Variants in INTS6 observed in about 807,000 individuals in gnomAD.
INTS6 encodes the protein integrator complex subunit 6.
Under a neutral mutation model 104.9 loss-of-function variants are expected in INTS6, and 16 were observed. The ratio of observed to expected loss-of-function variants is 0.15; its 90% CI spans 0.10 to 0.23. INTS6 has a LOEUF of 0.23. INTS6 is among the 10% of genes least tolerant of loss of function. The pLI, the probability that INTS6 is intolerant of heterozygous loss-of-function variation, is 1.00. For missense variants in INTS6, 584 were observed against 1,062.8 expected (o/e 0.55, Z 6.26); for synonymous variants, 324 against 358.7 (o/e 0.90, Z 1.09).
intron 16 of INTS6, among the ~76,000 whole-genome samples, chr13:51,368,200 C>A (rs1301698100): frequency 6.6e-6 from 1 of 151,972 alleles, no homozygotes; most frequent in Middle Eastern, 3.2e-3. Flanking sequence ...AAAATAAGAA[C>A]AAGTGGCCTT....
At chr13:51,442,683 T>C (rs1952820571) in intron 3 of INTS6, 2 of 152,478 alleles carry the variant, frequency 1.3e-5, no homozygotes, top group South Asian at 2.1e-4. Flanking sequence ...TAGATTCTCA[T>C]AGGAGCACAA....
At chr13:51,344,124 G>C in the INTS6 span, 1 of 692,104 alleles carries the variant, frequency 1.4e-6, no homozygotes, top group Non-Finnish European at 2.5e-6. Flanking sequence ...GGCTTTGTAT[G>C]GTAGATGAAC....
At chr13:51,342,178 CAAA>C in the INTS6 span, among the ~76,000 whole-genome samples, 2 of 63,582 alleles carry the variant, frequency 3.1e-5, no homozygotes, top group South Asian at 6.3e-4. Context: ...AAAGACAGAA[CAAA>C]AAAAAAAAAA....
At chr13:51,381,694 G>GT (rs1415669953) in intron 10 of INTS6, among the ~76,000 whole-genome samples, 28 of 104,082 alleles carry the variant, frequency 2.7e-4, no homozygotes, top group East Asian at 1.4e-3. Flanking sequence ...TAATTAACAA[G>GT]TTTTTTGTTT....
chr13:51,425,831 A>G (rs1254294069), intron 4 of INTS6, among the ~76,000 whole-genome samples: 1 of 152,104 alleles, frequency 6.6e-6, no homozygotes, highest in Admixed American at 6.6e-5. Flanking sequence ...ATCTGGACAC[A>G]GGTATGTTTA....
intron 7 of INTS6, chr13:51,384,770 C>T: frequency 2.2e-6 from 1 of 447,210 alleles, no homozygotes; most frequent in South Asian, 1.6e-5. Flanking sequence ...GGTAGGTAGT[C>T]ATTACTAGTT....
Position 51,452,222 on chromosome 13 carries a change from CG to C in INTS6, c.112-168del. On this transcript the variant is annotated intron_variant, in intron 1 of 17. Transcript: ENST00000311234. The surrounding 1 kb of genome is among the most constrained non-coding windows in gnomAD (Gnocchi z 4.2). ...CACAGATCGCTCCCCACACACCGCCCGGGGCCGGAGCCCGGGCCCCGGCCGA... is the reference window on the plus strand; with the variant it reads ...CACAGATCGCTCCCCACACACCGCCCGGGCCGGAGCCCGGGCCCCGGCCGA... 2 of 651,954 alleles carry C rather than the reference CG, an allele frequency of 3.1e-6. No individual in the cohort carries two copies. Among genetic ancestry groups the C allele is most frequent in the Non-Finnish European group, 4.3e-6 (2 of 464,556 alleles). 40.4% of individuals were successfully genotyped at this position (651,954 alleles called of 1,614,324 possible).
intron 7 of INTS6, 84 bp from the exon 8 acceptor site, chr13:51,383,825 G>A: frequency 8.4e-7 from 1 of 1,187,692 alleles, no homozygotes; most frequent in Non-Finnish European, 1.2e-6. Context: ...AATTTACTCA[G>A]TTCCTCCGTC....
At chr13:51,361,549 A>C (rs535038842), downstream of INTS6, 17 of 591,484 alleles carry the variant, frequency 2.9e-5, no homozygotes, top group East Asian at 4.5e-4. Context: ...AAGAAGAGAT[A>C]TCCATCCCAT....
At chr13:51,436,416 C>T (rs1165474396) in intron 3 of INTS6, 3 of 152,102 alleles carry the variant, frequency 2.0e-5, no homozygotes, top group South Asian at 4.1e-4. Context: ...CTCCGTTACA[C>T]GACTGTGTTC....
At chr13:51,347,096 CTTGTGA>C in the INTS6 span, 1 of 1,609,648 alleles carries the variant, frequency 6.2e-7, no homozygotes, top group East Asian at 2.2e-5. Flanking sequence ...TCAGCTTGTG[CTTGTGA>C]GCACCATGTC....
intron 4 of INTS6, among the ~76,000 whole-genome samples, chr13:51,429,785 A>AAAAAAAAATATATAT (rs1156333077): frequency 6.5e-5 from 6 of 92,378 alleles, no homozygotes; most frequent in African/African-American, 2.8e-4. Context: ...AAAAAAAAAA[A>AAAAAAAAATATATAT]ATATATATAT....
intron 4 of INTS6, among the ~76,000 whole-genome samples, chr13:51,429,034 A>G (rs551984953): frequency 2.6e-5 from 4 of 152,190 alleles, no homozygotes; most frequent in Non-Finnish European, 5.9e-5. Context: ...CAATAACCCT[A>G]TGAAGTAAGG....
chr13:51,405,671 T>C (rs972847753), intron 4 of INTS6, among the ~76,000 whole-genome samples: 1 of 152,150 alleles, frequency 6.6e-6, no homozygotes. Flanking sequence ...TCCACTTCCA[T>C]GGAAGCTGGC....
chr13:51,344,339 T>C, the INTS6 span: 1 of 1,613,526 alleles, frequency 6.2e-7, no homozygotes, highest in East Asian at 2.2e-5. Context: ...GCCTGCAGCC[T>C]TTTTGTGCAA....
the INTS6 span, among the ~76,000 whole-genome samples, chr13:51,334,837 G>T: frequency 6.6e-6 from 1 of 151,936 alleles, no homozygotes; most frequent in Admixed American, 6.6e-5. Context: ...CAAAAAATTA[G>T]CTGGGCATGG....
At chr13:51,439,049 G>C (rs1203340478) in intron 3 of INTS6, 1 of 152,150 alleles carries the variant, frequency 6.6e-6, no homozygotes, top group Admixed American at 6.5e-5. Context: ...TACCTAACAA[G>C]GTTCACTCGC....
At chr13:51,403,581 CA>C (rs1290796257) in intron 4 of INTS6, among the ~76,000 whole-genome samples, 20 of 20,286 alleles carry the variant, frequency 9.9e-4, no homozygotes, top group South Asian at 3.0e-3. Flanking sequence ...GACTCCATTT[CA>C]AAAAAAAAAA....
In INTS6 at chr13:51,446,828, T is replaced by G. The variant is rs963563083; in HGVS notation, c.339+4197A>C. Reference sequence around the variant, plus strand: ...AAAGGCAAATACTGTATGATTTCACTTAACTGTGATATCCAGAGTAGACAA... The same window carrying G: ...AAAGGCAAATACTGTATGATTTCACGTAACTGTGATATCCAGAGTAGACAA... On this transcript the variant is annotated intron_variant, in intron 3 of 17. Transcript: ENST00000311234. 8 of 152,316 alleles carry G rather than the reference T, an allele frequency of 5.3e-5. No homozygotes were observed. The East Asian group carries it at 1.5e-3, about 29-fold the overall frequency. The allele number at this position is 152,316 out of a possible 1,614,324, so 9.4% of individuals were successfully genotyped here.
Sources: gnomAD v4.1 joint callset for allele counts (sites outside exome capture counted in the v4.1 genomes callset) on GRCh38, gnomAD v4.1.1 for gene constraint, Gnocchi (gnomAD v3.1) non-coding constraint, MANE v1.5 for transcripts, NCBI Gene and HGNC (gene_info 2026-07-23, HGNC 2026-07-21) for gene names.